Variants in CC2D2A observed in about 807,000 individuals in gnomAD.
CC2D2A encodes coiled-coil and C2 domain-containing protein 2A.
Under a neutral mutation model 212.9 loss-of-function variants are expected in CC2D2A, and 155 were observed. The observed-to-expected ratio is 0.73, with a 90% CI of 0.64 to 0.83. The LOEUF (loss-of-function observed/expected upper bound fraction) is 0.83. Ranked by LOEUF, CC2D2A falls within the 40% of genes least tolerant of loss-of-function variation. The pLI is 0.00. For synonymous variants in CC2D2A, 667 were observed against 686.5 expected, an observed-to-expected ratio of 0.97 and a Z score of 0.44; for missense variants, 1,856 against 1,956.2, an observed-to-expected ratio of 0.95 and a Z score of 0.97.
At chr4:15,548,338 C>T (rs955700757) in intron 17 of CC2D2A, among the ~76,000 whole-genome samples, 23 of 152,046 alleles carry the variant, frequency 1.5e-4, no homozygotes, top group African/African-American at 5.6e-4. Context: ...AATAAGCCGC[C>T]TTCCACTGAC....
At chr4:15,575,181 T>C (rs1359504000) in intron 29 of CC2D2A, among the ~76,000 whole-genome samples, 4 of 152,218 alleles carry the variant, frequency 2.6e-5, no homozygotes, top group Non-Finnish European at 4.4e-5. Context: ...ACCACCATGA[T>C]GTACTGAATC....
intron 11 of CC2D2A, among the ~76,000 whole-genome samples, chr4:15,524,930 TGTTTATGATA>T (rs1717428453): frequency 6.6e-6 from 1 of 152,230 alleles, no homozygotes; most frequent in Non-Finnish European, 1.5e-5. Context: ...GTTGCTATTG[TGTTTATGATA>T]GTCATCAATA....
At chr4:15,510,891 A>G (rs1716534189) in intron 7 of CC2D2A, among the ~76,000 whole-genome samples, 1 of 152,250 alleles carries the variant, frequency 6.6e-6, no homozygotes. Context: ...TTCTCATAAT[A>G]CAACAAAACT....
chr4:15,536,778 C>A, intron 14 of CC2D2A, 142 bp from the exon 15 acceptor site: 1 of 711,080 alleles, frequency 1.4e-6, no homozygotes, highest in Non-Finnish European at 2.3e-6. Flanking sequence ...TAGCATCTGC[C>A]TCACAGGATT....
At chr4:15,541,755 TCTC>T (rs1718464496) in intron 17 of CC2D2A, among the ~76,000 whole-genome samples, 1 of 152,102 alleles carries the variant, frequency 6.6e-6, no homozygotes, top group Admixed American at 6.5e-5. Context: ...AATTAATAAA[TCTC>T]CTCACTAGCC....
At chr4:15,533,074 A>G in intron 13 of CC2D2A, 119 bp from the exon 14 acceptor site, 1 of 733,808 alleles carries the variant, frequency 1.4e-6, no homozygotes, top group East Asian at 3.2e-5. Context: ...AGTTTTCTGT[A>G]CTTGTTTCAA....
At chr4:15,509,427 C>T (rs140285966) in intron 6 of CC2D2A, among the ~76,000 whole-genome samples, 2 of 152,216 alleles carry the variant, frequency 1.3e-5, no homozygotes, top group South Asian at 2.1e-4. Flanking sequence ...GCGCCCGCCA[C>T]CACGCCTGGC....
intron 8 of CC2D2A, 71 bp downstream of exon 8, chr4:15,511,494 AAAG>A (rs1172072242): frequency 1.5e-6 from 2 of 1,372,878 alleles, no homozygotes; most frequent in Non-Finnish European, 1.9e-6. Context: ...TCCCTGCAAG[AAAG>A]AAAGTGGCTG....
At chr4:15,560,698 T>C (rs1318095061) in intron 23 of CC2D2A, 76 bp downstream of exon 23, 2 of 668,566 alleles carry the variant, frequency 3.0e-6, no homozygotes, top group African/African-American at 3.8e-5. Context: ...AAAGGTATCA[T>C]ATAAGATTTT....
chr4:15,587,970 G>A, intron 32 of CC2D2A, 41 bp downstream of exon 32: 1 of 1,096,944 alleles, frequency 9.1e-7, no homozygotes, highest in Non-Finnish European at 1.4e-6. Flanking sequence ...GAGTATAGTT[G>A]TCTAATCGAG....
chr4:15,491,795 GATAC>G (rs1243814689), intron 4 of CC2D2A, among the ~76,000 whole-genome samples: 1 of 152,180 alleles, frequency 6.6e-6, no homozygotes, highest in Non-Finnish European at 1.5e-5. Context: ...TACTTTATCA[GATAC>G]ATAATTTGAA....
chr4:15,493,374 C>T (rs1289443062), intron 4 of CC2D2A, among the ~76,000 whole-genome samples: 1 of 151,998 alleles, frequency 6.6e-6, no homozygotes, highest in East Asian at 1.9e-4. Flanking sequence ...GCACAGCCAT[C>T]CTCCCACCTC....
At chr4:15,514,573 C>T in intron 8 of CC2D2A, 134 bp from the exon 9 acceptor site, 1 of 703,970 alleles carries the variant, frequency 1.4e-6, no homozygotes, top group Non-Finnish European at 2.1e-6. Context: ...TAGTTCTATG[C>T]TTTCACTTTT....
At position 15,537,980 on chromosome 4, in the gene CC2D2A, C is replaced by T. The variant is rs1560171700; in HGVS notation, c.1846C>T (p.Leu616Phe). 2 of 1,610,420 alleles carry T rather than the reference C, an allele frequency of 1.2e-6. No individual in the cohort carries two copies. The highest frequency in any genetic ancestry group is 2.7e-5 in the African/African-American group (2 of 74,966). Reference sequence around the variant, plus strand: ...TGCAGAGCCGTATCCCGAGGAGGACCTTGTGAAGCCCAGCCCTCCAGAGCC... The same window carrying T: ...TGCAGAGCCGTATCCCGAGGAGGACTTTGTGAAGCCCAGCCCTCCAGAGCC... ...EIAEPYPEED[L>F]VKPSPPEPTD... The change falls in exon 16 of 37, where the codon CTT becomes TTT. Residue 616 changes from leucine (L) to phenylalanine (F), a missense_variant. Coordinates refer to ENST00000424120, the MANE Select transcript of CC2D2A (RefSeq NM_001378615.1).
At position 15,540,956 on chromosome 4, in the gene CC2D2A, A is replaced by C. The variant is rs1718400564; in HGVS notation, c.2123A>C (p.His708Pro). 1 of 1,556,214 alleles carries C rather than the reference A, an allele frequency of 6.4e-7. No homozygotes were observed. Among genetic ancestry groups the C allele is most frequent in the Non-Finnish European group, 8.7e-7 (1 of 1,149,808 alleles). The change falls in exon 17 of 37, where the codon CAC (histidine) becomes CCC (proline). Residue 708 changes from histidine to proline, a missense_variant. By Grantham distance (77) the His-to-Pro change is moderately conservative. Coordinates refer to ENST00000424120, the MANE Select transcript of CC2D2A (RefSeq NM_001378615.1). ...CCACTAGGAGCAGACTTCCGAGTTCACTTTGGGCAGATTTTCAATTTGCAA... is the reference window on the plus strand; with the variant it reads ...CCACTAGGAGCAGACTTCCGAGTTCCCTTTGGGCAGATTTTCAATTTGCAA... ...SRPLGADFRVHFGQIFNLQIV... is the reference protein window; with the variant it reads ...SRPLGADFRVPFGQIFNLQIV...
At chr4:15,509,268 G>T (rs968667337) in intron 6 of CC2D2A, among the ~76,000 whole-genome samples, 1 of 141,584 alleles carries the variant, frequency 7.1e-6, no homozygotes, top group Non-Finnish European at 1.5e-5. Context: ...TTTATAGGAT[G>T]AGATAACACT....
intron 29 of CC2D2A, among the ~76,000 whole-genome samples, chr4:15,576,124 CT>C (rs1170681807): frequency 6.6e-6 from 1 of 152,190 alleles, no homozygotes; most frequent in Non-Finnish European, 1.5e-5. Context: ...CGCACTGTGG[CT>C]GTAGAAAGCA....
chr4:15,516,882 T>A, intron 11 of CC2D2A, 126 bp downstream of exon 11: 3 of 856,764 alleles, frequency 3.5e-6, no homozygotes, highest in Non-Finnish European at 4.9e-6. Flanking sequence ...ATCTTACACA[T>A]AAAGAACAAA....
At chr4:15,569,923 C>T (rs1352290246) in intron 27 of CC2D2A, among the ~76,000 whole-genome samples, 2 of 152,112 alleles carry the variant, frequency 1.3e-5, no homozygotes, top group Non-Finnish European at 2.9e-5. Flanking sequence ...GGGAATGCAG[C>T]CCAGCAAGTC....
Sources: allele counts gnomAD v4.1 joint callset (sites outside exome capture counted in the v4.1 genomes callset), GRCh38; gene constraint gnomAD v4.1.1; transcripts MANE v1.5; gene names NCBI Gene and HGNC (gene_info 2026-07-23, HGNC 2026-07-21).